Variants in TRMU observed in about 807,000 individuals in gnomAD.
The protein encoded by TRMU is mitochondrial tRNA-specific 2-thiouridylase 1.
TRMU carries 49 observed loss-of-function variants against 46.9 expected under a neutral mutation model. The observed-to-expected ratio is 1.05, with a 90% CI of 0.83 to 1.33. The LOEUF (loss-of-function observed/expected upper bound fraction) is 1.33. Ranked by LOEUF, TRMU falls within the 40% of genes most tolerant of loss-of-function variation. TRMU has a pLI of 0.00. For missense variants in TRMU, 572 were observed against 532.4 expected (o/e 1.07, Z -0.73); for synonymous variants, 241 against 200.9 (o/e 1.20, Z -1.69).
intron 10 of TRMU, chr22:46,356,617 C>T: frequency 1.7e-6 from 1 of 584,332 alleles, no homozygotes; most frequent in Non-Finnish European, 3.0e-6. Context: ...GACTGTCCCA[C>T]TCAGGGAGAG....
At chr22:46,344,061 T>C (rs1390200062) in intron 3 of TRMU, among the ~76,000 whole-genome samples, 2 of 152,186 alleles carry the variant, frequency 1.3e-5, no homozygotes, top group African/African-American at 4.8e-5. Flanking sequence ...AATCTTAAAT[T>C]TCAACATTGG....
intron 3 of TRMU, 39 bp downstream of exon 3, chr22:46,343,407 A>G: frequency 1.3e-6 from 2 of 1,483,640 alleles, no homozygotes; most frequent in Non-Finnish European, 1.9e-6. Context: ...TTTTTTAAAG[A>G]CAGGGTCTCG....
Position 46,337,868 on chromosome 22 carries a change from T to C in TRMU, c.172T>C (p.Tyr58His), listed in dbSNP as rs138382860. 1.0e-4 allele frequency: 164 copies of C among 1,614,240 alleles called. No homozygotes were observed. The highest frequency in any genetic ancestry group is 1.2e-4 in the Non-Finnish European group (147 of 1,180,044). ...CTADKDCEDA[Y>H]RVCQILDIPF... is the part of the protein sequence containing the mutation. ...TGCCGACAAAGACTGTGAAGATGCT[T>C]ACAGAGTTTGCCAGATCTTAGACAT... Residue 58 changes from tyrosine to histidine, a missense_variant, in exon 2 of 11, where the codon TAC (tyrosine) becomes CAC (histidine). Physicochemically the swap from Tyr to His is moderately conservative, Grantham distance 83. Coordinates refer to ENST00000645190, the MANE Select transcript of TRMU (RefSeq NM_018006.5).
At chr22:46,353,634 G>T (rs376391008) in intron 7 of TRMU, 133 bp from the exon 8 acceptor site, 1 of 788,376 alleles carries the variant, frequency 1.3e-6, no homozygotes, top group Non-Finnish European at 2.2e-6. Flanking sequence ...TTGGAGAATC[G>T]TATCTTCCTA....
chr22:46,345,595 A>G (rs986972628), intron 3 of TRMU, among the ~76,000 whole-genome samples: 13 of 152,278 alleles, frequency 8.5e-5, no homozygotes, highest in African/African-American at 2.9e-4. Flanking sequence ...TTTTTCTTCA[A>G]CTGTTTCTGT....
At chr22:46,337,140 G>A (rs916680067) in intron 1 of TRMU, among the ~76,000 whole-genome samples, 4 of 152,176 alleles carry the variant, frequency 2.6e-5, no homozygotes, top group African/African-American at 9.7e-5. Context: ...GGTACTATAT[G>A]AAGCCTTCTT....
intron 3 of TRMU, 147 bp from the exon 4 acceptor site, chr22:46,346,275 T>C: frequency 1.1e-6 from 1 of 901,668 alleles, no homozygotes. Context: ...TTCCCTGGGA[T>C]CTCTATGTTT....
rs1006626108 is a variant in TRMU, at chr22:46,342,120, G to T, written c.249-1142G>T. On this transcript the variant is annotated intron_variant, in intron 2 of 10. Transcript: ENST00000645190. This position sits in a 1 kb window ranked among gnomAD's most constrained non-coding sequence, Gnocchi z 4.7. ...TTGGAGATAGTGCTGGATCCCAAAG[G>T]TTGGGGGTTCAGTCCCCCAGACGGA... Among the ~76,000 whole-genome samples, 21 of 152,290 alleles carry T rather than the reference G, an allele frequency of 1.4e-4. No homozygotes were observed. Among genetic ancestry groups the T allele is most frequent in the African/African-American group, 4.8e-4 (20 of 41,558 alleles).
intron 8 of TRMU, chr22:46,354,340 C>T (rs114479139): frequency 0.027 from 4,820 of 181,612 alleles, 242 homozygotes; most frequent in African/African-American, 0.1. Context: ...CGCTCAGTGG[C>T]GGCAAGCTCA....
At chr22:46,355,721 AT>A in intron 9 of TRMU, 133 bp downstream of exon 9, 2 of 1,454,944 alleles carry the variant, frequency 1.4e-6, no homozygotes, top group Non-Finnish European at 1.9e-6. Flanking sequence ...TACCTAAAGT[AT>A]TTAGAACTCC....
rs2078197651 is a variant in TRMU at position 46,344,327 on chromosome 22, CCT to C, written c.355+960_355+961del. On this transcript the variant is annotated intron_variant, in intron 3 of 10. Coordinates refer to ENST00000645190, the MANE Select transcript of TRMU (RefSeq NM_018006.5). ...ATGTCTAGGAAGGGGTGATGCGTCC[CCT>C]GTGGTCCGTCCTGGTTAGACCGTAT... Among the ~76,000 whole-genome samples the C allele has an allele frequency of 2.6e-5, 4 of 152,264 alleles. No individual in the cohort carries two copies. The South Asian group carries it at 6.2e-4, about 24-fold the overall frequency.
rs1439639740 is a variant in TRMU, at chr22:46,352,272, G to A, written c.714G>A (p.Gln238=). Residue 238 remains glutamine, a synonymous_variant, in exon 7 of 11, where the codon CAG becomes CAA. Coordinates refer to ENST00000645190, the MANE Select transcript of TRMU (RefSeq NM_018006.5). ...ACATGTTTGTTTTCCAGTATCTGCAGCCTCGACCTGGTCACTTTATTTCCA... is the reference window on the plus strand; with the variant it reads ...ACATGTTTGTTTTCCAGTATCTGCAACCTCGACCTGGTCACTTTATTTCCA... The part of the protein sequence containing the change: ...NFEHFLLQYL[Q]PRPGHFISIE... 2 of 1,614,030 alleles carry A rather than the reference G, an allele frequency of 1.2e-6. No individual in the cohort carries two copies. Among genetic ancestry groups the A allele is most frequent in the South Asian group, 1.1e-5 (1 of 91,090 alleles).
rs1263601105 is a variant in TRMU at position 46,357,040 on chromosome 22, C to T, written c.*34C>T. The T allele has an allele frequency of 1.4e-5, 23 of 1,612,676 alleles. No individual in the cohort carries two copies. The Admixed American group carries it at 3.2e-4, about 22-fold the overall frequency. ...GATCTGCTAGAAGGAACCTGGAGAGCAGGACCCATGGCTGGGCGGCTGGTG... is the reference window on the plus strand; with the variant it reads ...GATCTGCTAGAAGGAACCTGGAGAGTAGGACCCATGGCTGGGCGGCTGGTG... On this transcript the variant is annotated 3_prime_UTR_variant, in exon 11 of 11. Coordinates refer to ENST00000645190, the MANE Select transcript of TRMU (RefSeq NM_018006.5).
In TRMU at chr22:46,352,265, A is replaced by G; in HGVS notation, c.707A>G (p.Tyr236Cys). The G allele has an allele frequency of 6.2e-7, 1 of 1,614,174 alleles. No homozygotes were observed. The highest frequency in any genetic ancestry group is 8.5e-7 in the Non-Finnish European group (1 of 1,180,032). ...KRNFEHFLLQ[Y>C]LQPRPGHFIS... ...GGTAATGACATGTTTGTTTTCCAGT[A>G]TCTGCAGCCTCGACCTGGTCACTTT... Residue 236 changes from tyrosine to cysteine, a missense_variant and splice_region_variant, in exon 7 of 11, where the codon TAT becomes TGT. Transcript: ENST00000645190.
Position 46,339,185 on chromosome 22 carries a change from T to C in TRMU, c.248+1241T>C, listed in dbSNP as rs1408082149. Among the ~76,000 whole-genome samples the C allele has an allele frequency of 6.6e-6, 1 of 152,188 alleles. No individual in the cohort carries two copies. The highest frequency in any genetic ancestry group is 1.5e-5 in the Non-Finnish European group (1 of 68,038). On this transcript the variant is annotated intron_variant, in intron 2 of 10. Transcript: ENST00000645190. The surrounding 1 kb of genome is among the most constrained non-coding windows in gnomAD (Gnocchi z 4.8). ...TTTTTTTTGAGACAGAGCCTCGCTC[T>C]GTTGCCCAGGCTGGAGTGCAGTGGC...
At chr22:46,352,431 G>A in intron 7 of TRMU, 101 bp downstream of exon 7, 1 of 1,441,502 alleles carries the variant, frequency 6.9e-7, no homozygotes, top group Non-Finnish European at 9.7e-7. Flanking sequence ...CTTCCACTTG[G>A]CTGGAGAATT....
intron 7 of TRMU, 64 bp downstream of exon 7, chr22:46,352,394 G>A: frequency 1.3e-6 from 2 of 1,564,304 alleles, no homozygotes; most frequent in Non-Finnish European, 1.8e-6. Flanking sequence ...TCAGCTCTGG[G>A]AGACTAGACC....
In TRMU at chr22:46,339,957, C is replaced by T. The variant is rs1233286035; in HGVS notation, c.248+2013C>T. Among the ~76,000 whole-genome samples the T allele has an allele frequency of 3.3e-5, 5 of 151,468 alleles. No homozygotes were observed. The highest frequency in any genetic ancestry group is 1.9e-4 in the East Asian group (1 of 5,174). ...ACATAAGAAAAAAAAAAGAGTGTGGCGGCCAAATACAGGATAAATCTGGGG... is the reference window on the plus strand; with the variant it reads ...ACATAAGAAAAAAAAAAGAGTGTGGTGGCCAAATACAGGATAAATCTGGGG... On this transcript the variant is annotated intron_variant, in intron 2 of 10. Coordinates refer to ENST00000645190, the MANE Select transcript of TRMU (RefSeq NM_018006.5). This position sits in a 1 kb window ranked among gnomAD's most constrained non-coding sequence, Gnocchi z 4.8.
At chr22:46,343,694 C>A (rs749824454) in intron 3 of TRMU, among the ~76,000 whole-genome samples, 42 of 152,152 alleles carry the variant, frequency 2.8e-4, no homozygotes, top group Non-Finnish European at 4.9e-4. Flanking sequence ...CTTGTGGAAC[C>A]TCCTGATACT....
Sources: gnomAD v4.1 joint callset for allele counts (sites outside exome capture counted in the v4.1 genomes callset) on GRCh38, gnomAD v4.1.1 for gene constraint, Gnocchi (gnomAD v3.1) non-coding constraint, MANE v1.5 for transcripts, NCBI Gene and HGNC (gene_info 2026-07-23, HGNC 2026-07-21) for gene names.